The following MBL2 variants were observed in gnomAD, a reference collection of about 807,000 sequenced individuals.
MBL2 encodes the protein mannose binding lectin 2.
In MBL2, 6 loss-of-function variants were observed where a neutral mutation model predicts 12.7. That is an observed-to-expected ratio of 0.47 (90% confidence interval 0.26 to 0.94). The LOEUF (loss-of-function observed/expected upper bound fraction) is 0.94. Among genes scored for constraint, MBL2 ranks in the 40% least tolerant of loss-of-function variants. The pLI is 0.15. For synonymous variants in MBL2, 114 were observed against 112.0 expected, an observed-to-expected ratio of 1.02 and a Z score of -0.11; for missense variants, 307 against 295.2, an observed-to-expected ratio of 1.04 and a Z score of -0.29.
chr10:52,769,220 G>A (rs1366526116), intron 4 of MBL2, 27 bp downstream of exon 4: 6 of 1,540,758 alleles, frequency 3.9e-6, no homozygotes, highest in Non-Finnish European at 5.3e-6. Context: ...ACTTCAAGCT[G>A]CCTGGAGAGT....
In MBL2 at chr10:52,768,243, T is replaced by C. The variant is rs761822692; in HGVS notation, c.641A>G (p.Asn214Ser). The C allele has an allele frequency of 1.7e-5, 27 of 1,613,890 alleles. No individual in the cohort carries two copies. Among genetic ancestry groups the C allele is most frequent in the East Asian group, 1.3e-4 (6 of 44,874 alleles). ...ACAATCTTCATCAGAACCAGCATTG[T>C]TGGGTTCACCCTCGTTCCAGTTTGT... ...TYTNWNEGEP[N>S]NAGSDEDCVL... The change falls in exon 5 of 5, where the codon AAC becomes AGC. Residue 214 changes from asparagine (N) to serine (S), a missense_variant. Coordinates refer to ENST00000674931, the MANE Select transcript of MBL2 (RefSeq NM_001378373.1).
At chr10:52,768,563 G>A (rs1840343751) in intron 4 of MBL2, 53 bp from the exon 5 acceptor site, 2 of 1,367,120 alleles carry the variant, frequency 1.5e-6, no homozygotes, top group African/African-American at 1.5e-5. Flanking sequence ...CCAACTCAAG[G>A]TATTTCTCAA....
intron 1 of MBL2, among the ~76,000 whole-genome samples, chr10:52,772,162 C>T (rs1046935882): frequency 6.6e-6 from 1 of 152,150 alleles, no homozygotes; most frequent in Non-Finnish European, 1.5e-5. Flanking sequence ...GCTGGTGATC[C>T]AAAGAGGAAG....
At position 52,766,947 on chromosome 10, in the gene MBL2, G is replaced by A. The variant is rs1340370122; in HGVS notation, c.*1190C>T. On this transcript the variant is annotated 3_prime_UTR_variant, in exon 5 of 5. Transcript: ENST00000674931. ...GGGGAAATACAGATTAAAACCATGG[G>A]GAAATATCACTTTACATCCACAGGA... 1 of 151,768 alleles carries A rather than the reference G, an allele frequency of 6.6e-6. No homozygotes were observed. Among genetic ancestry groups the A allele is most frequent in the Non-Finnish European group, 1.5e-5 (1 of 67,992 alleles). The allele number at this position is 151,768 out of a possible 1,614,324, so 9.4% of individuals were successfully genotyped here. A position where few individuals can be genotyped will look rare whatever the true frequency, so the allele number is the denominator to read the frequency against.
chr10:52,765,456 T>C lies in MBL2; in HGVS notation c.*2681A>G, dbSNP rs1840292956. The C allele has an allele frequency of 6.6e-6, 1 of 152,220 alleles. No homozygotes were observed. Among genetic ancestry groups the C allele is most frequent in the African/African-American group, 2.4e-5 (1 of 41,458 alleles). 9.4% of individuals were successfully genotyped at this position (152,220 alleles called of 1,614,324 possible). On this transcript the variant is annotated 3_prime_UTR_variant, in exon 5 of 5. Coordinates refer to ENST00000674931, the MANE Select transcript of MBL2 (RefSeq NM_001378373.1). ...AAATCGATATGTGTTATGTATAATA[T>C]CACATTATCTCATTAAAAAGCATGT...
In MBL2 at chr10:52,769,614, A is replaced by AT. The variant is rs34519379; in HGVS notation, c.305-300dup. ...AATCCATATGCCAGGTTCTTCACAG[A>AT]TTTTTTTTTCAAATAAATTGTTCTA... On this transcript the variant is annotated intron_variant, in intron 3 of 4. Coordinates refer to ENST00000674931, the MANE Select transcript of MBL2 (RefSeq NM_001378373.1). Among the ~76,000 whole-genome samples the AT allele has an allele frequency of 1.6e-4, 25 of 151,762 alleles. 1 individual carries two copies. The highest frequency in any genetic ancestry group is 7.2e-4 in the Admixed American group (11 of 15,210).
chr10:52,768,539 A>G, intron 4 of MBL2, 29 bp from the exon 5 acceptor site: 1 of 1,486,278 alleles, frequency 6.7e-7, no homozygotes, highest in Non-Finnish European at 9.0e-7. Flanking sequence ...GGTGAAACTG[A>G]CTCATCCTTA....
At chr10:52,770,863 C>T in intron 2 of MBL2, 77 bp from the exon 3 acceptor site, 1 of 776,606 alleles carries the variant, frequency 1.3e-6, no homozygotes, top group Non-Finnish European at 1.9e-6. Flanking sequence ...TGCCCAATCC[C>T]TTCTCAGGAG....
chr10:52,769,184 T>C, intron 4 of MBL2, 63 bp downstream of exon 4: 1 of 1,124,430 alleles, frequency 8.9e-7, no homozygotes, highest in Non-Finnish European at 1.3e-6. Context: ...ATTCAACAAA[T>C]ATTTGTTGCA....
chr10:52,770,684 G>C lies in MBL2; in HGVS notation c.290C>G (p.Pro97Arg). ...GGGGTCCTTACCCGGACTTTTTCCAGGGTCTCCTTTTTGGCCCTTTGGTCC... is the reference window on the plus strand; with the variant it reads ...GGGGTCCTTACCCGGACTTTTTCCACGGTCTCCTTTTTGGCCCTTTGGTCC... ...SPGPKGQKGD[P>R]GKSPDGDSSL... The change falls in exon 3 of 5, where the codon CCT becomes CGT. Residue 97 changes from proline (P) to arginine (R), a missense_variant. Pro to Arg is a moderately radical substitution (Grantham distance 103). Coordinates refer to ENST00000674931, the MANE Select transcript of MBL2 (RefSeq NM_001378373.1). 1 of 1,488,288 alleles carries C rather than the reference G, an allele frequency of 6.7e-7. No individual in the cohort carries two copies. Among genetic ancestry groups the C allele is most frequent in the Non-Finnish European group, 9.0e-7 (1 of 1,111,580 alleles). 92.2% of individuals were successfully genotyped at this position (1,488,288 alleles called of 1,614,324 possible).
At chr10:52,772,656 C>T (rs1589872843) in intron 1 of MBL2, 81 bp downstream of exon 1, 1 of 854,284 alleles carries the variant, frequency 1.2e-6, no homozygotes, top group African/African-American at 1.8e-5. Flanking sequence ...CCTAGAAAGC[C>T]TCCTCCATGC....
intron 2 of MBL2, 91 bp downstream of exon 2, chr10:52,771,358 A>G: frequency 7.1e-7 from 1 of 1,401,874 alleles, no homozygotes; most frequent in Non-Finnish European, 9.8e-7. Context: ...TGAGAAAAAT[A>G]TACTCAAATA....
In MBL2 at chr10:52,770,650, G is replaced by C. The variant is rs1298574493; in HGVS notation, c.304+20C>G. The C allele has an allele frequency of 7.2e-7, 1 of 1,395,972 alleles. No individual in the cohort carries two copies. Among genetic ancestry groups the C allele is most frequent in the Non-Finnish European group, 9.5e-7 (1 of 1,052,586 alleles). The allele number at this position is 1,395,972 out of a possible 1,614,324, so 86.5% of individuals were successfully genotyped here. On this transcript the variant is annotated intron_variant, in intron 3 of 4. Transcript: ENST00000674931. ...CAGAACCCTGGGTGAAGTCAGCTCAGACCTTGCTGGGGTCCTTACCCGGAC... is the reference window on the plus strand; with the variant it reads ...CAGAACCCTGGGTGAAGTCAGCTCACACCTTGCTGGGGTCCTTACCCGGAC...
In MBL2 at chr10:52,771,894, G is replaced by A. The variant is rs1367158177; in HGVS notation, c.-9-250C>T. 4.6e-5 allele frequency among the ~76,000 whole-genome samples: 7 copies of A among 152,164 alleles called. No individual in the cohort carries two copies. In the South Asian group the frequency reaches 1.0e-3, roughly 23 times the overall value. ...GTTCATCTGTGCCTAGACACCTGGC[G>A]TTGCTGCTGGAAGACTATAAACATG... On this transcript the variant is annotated intron_variant, in intron 1 of 4. Coordinates refer to ENST00000674931, the MANE Select transcript of MBL2 (RefSeq NM_001378373.1).
chr10:52,768,048 A>T lies in MBL2; in HGVS notation c.*89T>A. Reference sequence around the variant, plus strand: ...CACAAAAGGAACAATACTGGATATGAGGAAATTGATATAATTTATCTTTTC... The same window carrying T: ...CACAAAAGGAACAATACTGGATATGTGGAAATTGATATAATTTATCTTTTC... On this transcript the variant is annotated 3_prime_UTR_variant, in exon 5 of 5. Coordinates refer to ENST00000674931, the MANE Select transcript of MBL2 (RefSeq NM_001378373.1). 1.4e-6 allele frequency: 2 copies of T among 1,473,556 alleles called. No homozygotes were observed. The highest frequency in any genetic ancestry group is 2.5e-4 in the Middle Eastern group (1 of 3,958). The allele number at this position is 1,473,556 out of a possible 1,614,324, so 91.3% of individuals were successfully genotyped here. A position where few individuals can be genotyped will look rare whatever the true frequency, so the allele number is the denominator to read the frequency against.
chr10:52,771,218 C>T (rs982313864), intron 2 of MBL2, among the ~76,000 whole-genome samples: 1 of 152,068 alleles, frequency 6.6e-6, no homozygotes, highest in East Asian at 1.9e-4. Flanking sequence ...ATCCTGTGTC[C>T]CACGGGATGG....
intron 2 of MBL2, among the ~76,000 whole-genome samples, chr10:52,771,071 C>A (rs1042496932): frequency 2.0e-5 from 3 of 152,190 alleles, no homozygotes; most frequent in Non-Finnish European, 4.4e-5. Flanking sequence ...TGCTGGATCT[C>A]CCTGTAAACA....
In MBL2 at chr10:52,767,392, A is replaced by G. The variant is rs1157415074; in HGVS notation, c.*745T>C. 2 of 152,046 alleles carry G rather than the reference A, an allele frequency of 1.3e-5. No homozygotes were observed. Among genetic ancestry groups the G allele is most frequent in the African/African-American group, 2.4e-5 (1 of 41,292 alleles). 9.4% of individuals were successfully genotyped at this position (152,046 alleles called of 1,614,324 possible). On this transcript the variant is annotated 3_prime_UTR_variant, in exon 5 of 5. Coordinates refer to ENST00000674931, the MANE Select transcript of MBL2 (RefSeq NM_001378373.1). ...GTAAACAAGACATACAACATTACAC[A>G]CAATATGATTCCAACTATACAATGT...
rs767720366 is a variant in MBL2, at chr10:52,770,791, T to C, written c.188-5A>G. ...GTAAGCCTCTGAGCCCTTGGCCTGT[T>C]GGAAGACAAAGGAAATGTGACTTAA... On this transcript the variant is annotated splice_polypyrimidine_tract_variant and splice_region_variant and intron_variant, in intron 2 of 4. Transcript: ENST00000674931. 2 of 1,416,874 alleles carry C rather than the reference T, an allele frequency of 1.4e-6. No homozygotes were observed. The highest frequency in any genetic ancestry group is 1.6e-5 in the South Asian group (1 of 61,594). The allele number at this position is 1,416,874 out of a possible 1,614,324, so 87.8% of individuals were successfully genotyped here. A position where few individuals can be genotyped will look rare whatever the true frequency, so the allele number is the denominator to read the frequency against.
Sources: gnomAD v4.1 joint callset for allele counts (sites outside exome capture counted in the v4.1 genomes callset) on GRCh38, gnomAD v4.1.1 for gene constraint, MANE v1.5 for transcripts, NCBI Gene and HGNC (gene_info 2026-07-23, HGNC 2026-07-21) for gene names.